KLHDC10: variants seen among roughly 807,000 people sequenced by gnomAD.
KLHDC10 encodes the protein kelch domain-containing protein 10.
In KLHDC10, 24 loss-of-function variants were observed where a neutral mutation model predicts 56.1. The observed-to-expected ratio is 0.43, with a 90% CI of 0.31 to 0.60. KLHDC10 has a LOEUF of 0.60. Among genes scored for constraint, KLHDC10 ranks in the 20% least tolerant of loss-of-function variants. KLHDC10 has a pLI of 0.11. For synonymous variants in KLHDC10, 188 were observed against 207.1 expected, an observed-to-expected ratio of 0.91 and a Z score of 0.79; for missense variants, 349 against 567.0, an observed-to-expected ratio of 0.62 and a Z score of 3.91.
chr7:130,123,269 C>G (rs1796274994), intron 5 of KLHDC10, among the ~76,000 whole-genome samples: 1 of 151,938 alleles, frequency 6.6e-6, no homozygotes, highest in Admixed American at 6.6e-5. Flanking sequence ...GAGTTCGAGA[C>G]CAGCCTGGCC....
intron 1 of KLHDC10, among the ~76,000 whole-genome samples, chr7:130,095,836 C>G (rs924188576): frequency 6.6e-6 from 1 of 152,182 alleles, no homozygotes; most frequent in African/African-American, 2.4e-5. Flanking sequence ...CACTTGAATC[C>G]TGGCTCTGGC....
intron 1 of KLHDC10, among the ~76,000 whole-genome samples, chr7:130,075,244 G>A (rs1197280525): frequency 6.6e-6 from 1 of 152,156 alleles, no homozygotes; most frequent in East Asian, 1.9e-4. Context: ...TAAATACCAT[G>A]ATTAGCTGGG....
At chr7:130,112,107 C>T (rs1409999650) in intron 2 of KLHDC10, among the ~76,000 whole-genome samples, 1 of 152,102 alleles carries the variant, frequency 6.6e-6, no homozygotes, top group African/African-American at 2.4e-5. Context: ...AATTCTACCT[C>T]CAGAAATTCT....
intron 1 of KLHDC10, among the ~76,000 whole-genome samples, chr7:130,079,139 C>T (rs1000853755): frequency 1.3e-5 from 2 of 151,860 alleles, no homozygotes; most frequent in Non-Finnish European, 2.9e-5. Flanking sequence ...CCCTCTGCAA[C>T]ATCCGCCTCC....
rs751781220 is a variant in KLHDC10, at chr7:130,120,919, C to T, written c.630+16C>T. 1 of 1,612,128 alleles carries T rather than the reference C, an allele frequency of 6.2e-7. No individual in the cohort carries two copies. Among genetic ancestry groups the T allele is most frequent in the South Asian group, 1.1e-5 (1 of 90,818 alleles). ...ATATGGACAGGTACCAATCTGTGGC[C>T]AGTCATGGTGTATTTGTTCATATTT... On this transcript the variant is annotated intron_variant, in intron 4 of 9. Transcript: ENST00000335420. The surrounding 1 kb of genome is among the most constrained non-coding windows in gnomAD (Gnocchi z 5.1).
intron 3 of KLHDC10, among the ~76,000 whole-genome samples, chr7:130,118,514 T>C (rs1250980144): frequency 6.6e-6 from 1 of 152,258 alleles, no homozygotes; most frequent in Non-Finnish European, 1.5e-5. Context: ...CTGTTTTGCT[T>C]CCTTATCATT....
At chr7:130,102,147 A>G (rs1271858562) in intron 2 of KLHDC10, among the ~76,000 whole-genome samples, 5 of 152,070 alleles carry the variant, frequency 3.3e-5, no homozygotes, top group Non-Finnish European at 7.4e-5. Context: ...CAGCCTGCCA[A>G]TTTTGGCAGT....
intron 1 of KLHDC10, among the ~76,000 whole-genome samples, chr7:130,093,993 G>A (rs1396854741): frequency 6.6e-6 from 1 of 152,040 alleles, no homozygotes; most frequent in Non-Finnish European, 1.5e-5. Flanking sequence ...GCACGATCTC[G>A]GCTCACTGCA....
intron 2 of KLHDC10, among the ~76,000 whole-genome samples, chr7:130,107,422 C>A (rs931293058): frequency 2.0e-5 from 3 of 152,084 alleles, no homozygotes; most frequent in Non-Finnish European, 4.4e-5. Flanking sequence ...TTGCAAAAAA[C>A]CACCTTCCTA....
intron 2 of KLHDC10, among the ~76,000 whole-genome samples, chr7:130,108,055 A>G (rs549666571): frequency 6.6e-6 from 1 of 150,894 alleles, no homozygotes; most frequent in African/African-American, 2.4e-5. Context: ...GGGAAAAAAA[A>G]AACAAAAAAC....
intron 2 of KLHDC10, among the ~76,000 whole-genome samples, chr7:130,111,407 A>T (rs1796098581): frequency 6.6e-6 from 1 of 152,126 alleles, no homozygotes; most frequent in Admixed American, 6.6e-5. Context: ...AATACATATA[A>T]AATAAAGAAT....
intron 8 of KLHDC10, 42 bp downstream of exon 8, chr7:130,127,493 G>C: frequency 7.3e-7 from 1 of 1,372,778 alleles, no homozygotes; most frequent in Non-Finnish European, 1.0e-6. Flanking sequence ...TTCTGTAATT[G>C]TATCTTCTGA....
chr7:130,084,188 A>T (rs1795650044), intron 1 of KLHDC10, among the ~76,000 whole-genome samples: 1 of 152,228 alleles, frequency 6.6e-6, no homozygotes, highest in Admixed American at 6.5e-5. Context: ...GATCTTTATT[A>T]TAAAATTGAA....
chr7:130,076,741 T>G (rs1795509631), intron 1 of KLHDC10, among the ~76,000 whole-genome samples: 1 of 152,212 alleles, frequency 6.6e-6, no homozygotes, highest in Non-Finnish European at 1.5e-5. Context: ...ATTGAAATGT[T>G]GTCTATAGGT....
chr7:130,079,174 C>T lies in KLHDC10; in HGVS notation c.166+8365C>T, dbSNP rs1009440701. On this transcript the variant is annotated intron_variant, in intron 1 of 9. Transcript: ENST00000335420. ...CTGGGTTCAAGTGATTCTCCTGGCT[C>T]AGCCTCCCGGGTAGCTGGGATTACA... Among the ~76,000 whole-genome samples, 2 of 151,910 alleles carry T rather than the reference C, an allele frequency of 1.3e-5. 1 individual carries two copies. The highest frequency in any genetic ancestry group is 4.8e-5 in the African/African-American group (2 of 41,422).
At chr7:130,101,969 T>TAAAA (rs10579051) in intron 2 of KLHDC10, among the ~76,000 whole-genome samples, 5 of 73,718 alleles carry the variant, frequency 6.8e-5, no homozygotes, top group Admixed American at 1.9e-4. Flanking sequence ...GACTCCCTCT[T>TAAAA]AAAAAAAAAA....
intron 2 of KLHDC10, among the ~76,000 whole-genome samples, chr7:130,108,170 G>A (rs1392968986): frequency 6.6e-6 from 1 of 152,092 alleles, no homozygotes; most frequent in Non-Finnish European, 1.5e-5. Context: ...GGAAGTTGCA[G>A]TGAGCCGAAA....
chr7:130,120,600 G>A lies in KLHDC10; in HGVS notation c.476-149G>A, dbSNP rs910139864. ...GACTTCAGATTTTCAGATTTGGCAC[G>A]CTCAGCTACTAGTTAGATGTCAGTG... On this transcript the variant is annotated intron_variant, in intron 3 of 9. Transcript: ENST00000335420. The surrounding 1 kb of genome is among the most constrained non-coding windows in gnomAD (Gnocchi z 5.1). 2.1e-5 allele frequency: 15 copies of A among 726,530 alleles called. 1 individual carries two copies. In the Admixed American group the frequency reaches 4.7e-4, roughly 23 times the overall value. The allele number at this position is 726,530 out of a possible 1,614,324, so 45.0% of individuals were successfully genotyped here.
At chr7:130,092,820 T>C (rs1299181218) in intron 1 of KLHDC10, among the ~76,000 whole-genome samples, 1 of 152,154 alleles carries the variant, frequency 6.6e-6, no homozygotes, top group African/African-American at 2.4e-5. Context: ...CACTTCTTCC[T>C]GCTGTCTTTT....
Sources: allele counts gnomAD v4.1 joint callset (sites outside exome capture counted in the v4.1 genomes callset), GRCh38; gene constraint gnomAD v4.1.1; non-coding constraint Gnocchi (gnomAD v3.1); transcripts MANE v1.5; gene names NCBI Gene and HGNC (gene_info 2026-07-23, HGNC 2026-07-21).